JMY: variants seen among roughly 807,000 people sequenced by gnomAD.
JMY encodes the protein junction mediating and regulatory protein, p53 cofactor.
Under a neutral mutation model 103.3 loss-of-function variants are expected in JMY, and 46 were observed. The observed-to-expected ratio is 0.45, with a 90% CI of 0.35 to 0.57. The LOEUF is 0.57. JMY is among the 20% of genes least tolerant of loss of function. The pLI, the probability that JMY is intolerant of heterozygous loss-of-function variation, is 0.00. For synonymous variants in JMY, 526 were observed against 489.3 expected (o/e 1.07, Z -0.99); for missense variants, 1,238 against 1,255.2 (o/e 0.99, Z 0.21).
chr5:79,241,079 C>G (rs1206637333), intron 1 of JMY, among the ~76,000 whole-genome samples: 1 of 152,076 alleles, frequency 6.6e-6, no homozygotes, highest in African/African-American at 2.4e-5. Context: ...GGTCTTTTTT[C>G]CTACAGTATT....
At chr5:79,267,555 A>C (rs1745620570) in intron 1 of JMY, among the ~76,000 whole-genome samples, 1 of 152,198 alleles carries the variant, frequency 6.6e-6, no homozygotes, top group African/African-American at 2.4e-5. Flanking sequence ...TTGCAGCTTG[A>C]TAGTTCATTT....
intron 6 of JMY, among the ~76,000 whole-genome samples, chr5:79,306,062 T>G (rs78417438): frequency 0.034 from 5,170 of 152,258 alleles, 113 homozygotes; most frequent in South Asian, 0.062. Context: ...TGGAATCTTC[T>G]GGATGCAGAC....
At chr5:79,299,586 C>G (rs1746671154) in intron 4 of JMY, among the ~76,000 whole-genome samples, 3 of 152,030 alleles carry the variant, frequency 2.0e-5, no homozygotes, top group Admixed American at 1.3e-4. Context: ...ATTACATTTA[C>G]CTAAAGTGAC....
intron 1 of JMY, among the ~76,000 whole-genome samples, chr5:79,277,435 T>C (rs1358699172): frequency 6.6e-6 from 1 of 151,160 alleles, no homozygotes; most frequent in Non-Finnish European, 1.5e-5. Context: ...AAGACCAGCC[T>C]GGGCAACATG....
At chr5:79,273,425 A>G (rs1745842365) in intron 1 of JMY, among the ~76,000 whole-genome samples, 1 of 152,056 alleles carries the variant, frequency 6.6e-6, no homozygotes, top group South Asian at 2.1e-4. Flanking sequence ...ATTTTTCTCT[A>G]GCTGTTTTCA....
intron 1 of JMY, among the ~76,000 whole-genome samples, chr5:79,239,771 G>A (rs1744675105): frequency 6.6e-6 from 1 of 150,482 alleles, no homozygotes; most frequent in East Asian, 2.0e-4. Context: ...GATCATGCCA[G>A]TGCACTCGAG....
At chr5:79,316,762 C>G (rs549965765) in intron 10 of JMY, among the ~76,000 whole-genome samples, 1 of 151,672 alleles carries the variant, frequency 6.6e-6, no homozygotes, top group Non-Finnish European at 1.5e-5. Flanking sequence ...AAAAATTAGC[C>G]GGGCGTGGTG....
chr5:79,250,143 A>G lies in JMY; in HGVS notation c.1032+12461A>G, dbSNP rs531966930. On this transcript the variant is annotated intron_variant, in intron 1 of 10. Transcript: ENST00000396137. The stretch of plus-strand genomic sequence containing the variant: ...TGATGCTGGGTTCCTCCTAAACCCA[A>G]ACTTGTTTGTACTAAAAACCGTGTT... Among the ~76,000 whole-genome samples, 3 of 152,328 alleles carry G rather than the reference A, an allele frequency of 2.0e-5. No individual in the cohort carries two copies. In the East Asian group the frequency reaches 5.8e-4, roughly 29 times the overall value.
At chr5:79,275,317 C>A (rs984919121) in intron 1 of JMY, among the ~76,000 whole-genome samples, 1 of 152,074 alleles carries the variant, frequency 6.6e-6, no homozygotes, top group Non-Finnish European at 1.5e-5. Context: ...CCCGCCACCA[C>A]GCCTGGCTAA....
rs955930910 is a variant in JMY, at chr5:79,326,030, C to T, written c.*4428C>T. 4.6e-5 allele frequency: 7 copies of T among 152,204 alleles called. No homozygotes were observed. The highest frequency in any genetic ancestry group is 1.7e-4 in the African/African-American group (7 of 41,450). 9.4% of individuals were successfully genotyped at this position (152,204 alleles called of 1,614,324 possible). On this transcript the variant is annotated 3_prime_UTR_variant, in exon 11 of 11. Transcript: ENST00000396137. The stretch of plus-strand genomic sequence containing the variant: ...TAATTGATTGAATTCCAAATTTATA[C>T]TGTCTCTTCCCTTCTGCAGAGACAT...
chr5:79,300,214 A>G lies in JMY; in HGVS notation c.1589A>G (p.Tyr530Cys). 1.2e-6 allele frequency: 2 copies of G among 1,611,612 alleles called. No individual in the cohort carries two copies. The highest frequency in any genetic ancestry group is 1.3e-5 in the African/African-American group (1 of 74,894). The change falls in exon 5 of 11, where the codon TAT becomes TGT. Residue 530 changes from tyrosine to cysteine, a missense_variant. Transcript: ENST00000396137. The part of the protein sequence containing the change: ...IARLDQLEAD[Y>C]YDLQLQLYEV... ...CGATTGGATCAGTTAGAAGCTGATT[A>G]TTATGATCTGCAACTTCAGTTGTAT...
At chr5:79,260,143 A>G (rs941471869) in intron 1 of JMY, among the ~76,000 whole-genome samples, 4 of 152,240 alleles carry the variant, frequency 2.6e-5, no homozygotes, top group Admixed American at 6.5e-5. Context: ...TGACGCACCC[A>G]GGGCTGGCCT....
intron 4 of JMY, among the ~76,000 whole-genome samples, chr5:79,295,639 C>CA (rs1360732551): frequency 2.0e-5 from 3 of 152,290 alleles, no homozygotes; most frequent in Admixed American, 2.0e-4. Context: ...TCAGGGTTCA[C>CA]AAAGCATGCT....
intron 2 of JMY, among the ~76,000 whole-genome samples, chr5:79,286,761 A>T (rs2112094444): frequency 6.6e-6 from 1 of 152,340 alleles, no homozygotes; most frequent in South Asian, 2.1e-4. Context: ...GAACACTATT[A>T]AATTTCTGTT....
intron 1 of JMY, among the ~76,000 whole-genome samples, chr5:79,274,038 C>G (rs1745863502): frequency 6.6e-6 from 1 of 152,044 alleles, no homozygotes; most frequent in Non-Finnish European, 1.5e-5. Flanking sequence ...ACCATGTTAA[C>G]CAGGATGGTC....
intron 4 of JMY, among the ~76,000 whole-genome samples, chr5:79,292,806 G>A (rs980588116): frequency 2.2e-5 from 1 of 45,294 alleles, no homozygotes; most frequent in Non-Finnish European, 3.6e-5. Flanking sequence ...TTGGGGAGTG[G>A]GGGGGGTCCT....
At chr5:79,282,155 C>T (rs550644166) in intron 2 of JMY, among the ~76,000 whole-genome samples, 37 of 151,954 alleles carry the variant, frequency 2.4e-4, no homozygotes, top group African/African-American at 8.0e-4. Flanking sequence ...TGCAGTGAGC[C>T]GAGATCATGC....
At chr5:79,286,364 G>C (rs1746266815) in intron 2 of JMY, among the ~76,000 whole-genome samples, 1 of 152,132 alleles carries the variant, frequency 6.6e-6, no homozygotes, top group Non-Finnish European at 1.5e-5. Flanking sequence ...CTCAAGGCTG[G>C]GCGCAGTGGC....
At chr5:79,274,132 T>C (rs1307967601) in intron 1 of JMY, among the ~76,000 whole-genome samples, 2 of 106,078 alleles carry the variant, frequency 1.9e-5, no homozygotes, top group East Asian at 5.1e-4. Context: ...CCCAGCACTT[T>C]CTTTTTTTTC....
Sources: gnomAD v4.1 joint callset for allele counts (sites outside exome capture counted in the v4.1 genomes callset) on GRCh38, gnomAD v4.1.1 for gene constraint, MANE v1.5 for transcripts, NCBI Gene and HGNC (gene_info 2026-07-23, HGNC 2026-07-21) for gene names.